DENND1B: variants seen among roughly 807,000 people sequenced by gnomAD.
DENND1B encodes DENN domain containing 1B, also known as DENN domain-containing protein 1B.
Under a neutral mutation model 90.1 loss-of-function variants are expected in DENND1B, and 59 were observed. The observed-to-expected ratio is 0.65, with a 90% CI of 0.53 to 0.81. The LOEUF is 0.81. DENND1B is among the 40% of genes least tolerant of loss of function. The probability of loss-of-function intolerance (pLI) is 0.00; values close to 1 mark genes in which losing one functional copy is unlikely to be tolerated. For missense variants in DENND1B, 862 were observed against 912.6 expected (o/e 0.94, Z 0.71); for synonymous variants, 337 against 324.6 (o/e 1.04, Z -0.41).
intron 3 of DENND1B, among the ~76,000 whole-genome samples, chr1:197,675,189 TG>T (rs995202067): frequency 1.3e-5 from 2 of 152,122 alleles, no homozygotes; most frequent in Non-Finnish European, 2.9e-5. Flanking sequence ...TCATCCTCAC[TG>T]AACAATATTT....
intron 9 of DENND1B, among the ~76,000 whole-genome samples, chr1:197,643,100 C>A (rs1041906982): frequency 6.6e-6 from 1 of 152,012 alleles, no homozygotes; most frequent in East Asian, 1.9e-4. Context: ...TGAAAAGAAG[C>A]TAATTTCCTG....
intron 2 of DENND1B, chr1:197,747,115 T>C (rs1341571193): frequency 5.2e-6 from 4 of 771,122 alleles, no homozygotes; most frequent in African/African-American, 3.4e-5. Context: ...AGATTCTTTT[T>C]CATTCCTCAA....
intron 5 of DENND1B, among the ~76,000 whole-genome samples, chr1:197,660,464 T>A (rs973843820): frequency 6.6e-6 from 1 of 151,820 alleles, no homozygotes; most frequent in Non-Finnish European, 1.5e-5. Flanking sequence ...AGGAAAGAAA[T>A]GAATGAAAGT....
intron 15 of DENND1B, among the ~76,000 whole-genome samples, chr1:197,557,275 T>C (rs1181016446): frequency 6.6e-6 from 1 of 151,916 alleles, no homozygotes; most frequent in Admixed American, 6.6e-5. Flanking sequence ...AAGTAATACA[T>C]TACTGACAAA....
chr1:197,778,406 G>T (rs1350503237), upstream of DENND1B, among the ~76,000 whole-genome samples: 1 of 152,188 alleles, frequency 6.6e-6, no homozygotes, highest in Admixed American at 6.5e-5. Flanking sequence ...TGGGCGCAGT[G>T]GCTCATGCCT....
intron 2 of DENND1B, among the ~76,000 whole-genome samples, chr1:197,754,481 G>C (rs1228835744): frequency 6.6e-6 from 1 of 151,870 alleles, no homozygotes; most frequent in Non-Finnish European, 1.5e-5. Flanking sequence ...GAGGCCAGGA[G>C]TTCCAGCCTG....
chr1:197,738,187 G>T (rs1662891311), intron 2 of DENND1B, among the ~76,000 whole-genome samples: 2 of 152,190 alleles, frequency 1.3e-5, no homozygotes, highest in African/African-American at 4.8e-5. Context: ...ACAAAGGGGA[G>T]TATCTAATAT....
At chr1:197,754,681 A>C (rs1654041709) in intron 2 of DENND1B, among the ~76,000 whole-genome samples, 1 of 150,328 alleles carries the variant, frequency 6.7e-6, no homozygotes, top group Admixed American at 6.6e-5. Context: ...AAAAAAAAAA[A>C]AAAAAAACTG....
At chr1:197,681,532 T>A (rs1324107307) in intron 3 of DENND1B, among the ~76,000 whole-genome samples, 3 of 152,190 alleles carry the variant, frequency 2.0e-5, no homozygotes, top group African/African-American at 7.2e-5. Flanking sequence ...ACTGGCCAGT[T>A]TGAGAAACAG....
chr1:197,766,201 T>C (rs7516334), intron 2 of DENND1B, among the ~76,000 whole-genome samples: 63,608 of 152,134 alleles, frequency 0.42, 15,457 homozygotes, highest in East Asian at 0.66. Context: ...TCCCAAAATG[T>C]TGGGATTACA....
chr1:197,651,698 C>A lies in DENND1B; in HGVS notation c.447+537G>T, dbSNP rs1371895054. On this transcript the variant is annotated intron_variant, in intron 7 of 22. Transcript: ENST00000620048. ...TGAGACTGAGTCTCACTCTGTCACC[C>A]AGGCTGGAGTGCAGTAACACGATCT... Among the ~76,000 whole-genome samples, 3 of 131,862 alleles carry A rather than the reference C, an allele frequency of 2.3e-5. No individual in the cohort carries two copies. The Admixed American group carries it at 2.5e-4, about 11-fold the overall frequency. The allele number at this position is 131,862 out of a possible 152,430, so 86.5% of individuals were successfully genotyped here.
intron 13 of DENND1B, chr1:197,606,563 G>A (rs1007631888): frequency 1.3e-5 from 2 of 151,208 alleles, no homozygotes; most frequent in African/African-American, 2.4e-5. Context: ...GAAAGTTGAG[G>A]GAGATCAAAG....
intron 15 of DENND1B, among the ~76,000 whole-genome samples, chr1:197,557,485 C>T (rs1671808218): frequency 6.6e-6 from 1 of 151,878 alleles, no homozygotes. Flanking sequence ...TGAGTAACTA[C>T]TCTGTCTTAC....
intron 18 of DENND1B, among the ~76,000 whole-genome samples, chr1:197,544,949 AG>A (rs371043934): frequency 0.078 from 61 of 782 alleles, 2 homozygotes; most frequent in South Asian, 0.19. Flanking sequence ...AAGGGAGAAG[AG>A]AGAAGGGAGA....
chr1:197,670,698 C>G (rs1485906280), intron 5 of DENND1B, among the ~76,000 whole-genome samples: 1 of 151,928 alleles, frequency 6.6e-6, no homozygotes, highest in Admixed American at 6.6e-5. Flanking sequence ...GCAAATCCAT[C>G]TCGGGCACAG....
intron 13 of DENND1B, among the ~76,000 whole-genome samples, chr1:197,596,018 T>C (rs1314591135): frequency 6.6e-6 from 1 of 152,042 alleles, no homozygotes; most frequent in African/African-American, 2.4e-5. Flanking sequence ...AGCCAATAAG[T>C]GGCAAAGCTG....
At chr1:197,604,201 T>A (rs1408968993) in intron 13 of DENND1B, among the ~76,000 whole-genome samples, 1 of 151,106 alleles carries the variant, frequency 6.6e-6, no homozygotes, top group Admixed American at 6.6e-5. Context: ...ATGTTTTTTT[T>A]TCTTTTAATG....
At chr1:197,623,616 C>G (rs1342525466) in intron 10 of DENND1B, among the ~76,000 whole-genome samples, 2 of 151,362 alleles carry the variant, frequency 1.3e-5, no homozygotes, top group East Asian at 3.9e-4. Context: ...ACATTCATAG[C>G]AAAACTGAGC....
upstream of DENND1B, among the ~76,000 whole-genome samples, chr1:197,777,815 G>T (rs540662730): frequency 4.6e-4 from 70 of 152,102 alleles, 1 homozygote; most frequent in South Asian, 4.1e-3. Flanking sequence ...AATTAATTTA[G>T]TTAATTTTTT....
Sources: gnomAD v4.1 joint callset for allele counts (sites outside exome capture counted in the v4.1 genomes callset) on GRCh38, gnomAD v4.1.1 for gene constraint, MANE v1.5 for transcripts, NCBI Gene and HGNC (gene_info 2026-07-23, HGNC 2026-07-21) for gene names.